MTA3: variants seen among roughly 807,000 people sequenced by gnomAD.
MTA3 encodes the protein metastasis-associated protein MTA3.
Under a neutral mutation model 83.5 loss-of-function variants are expected in MTA3, and 34 were observed. The observed-to-expected ratio is 0.41, with a 90% CI of 0.31 to 0.54. The LOEUF (loss-of-function observed/expected upper bound fraction) is 0.54, where lower values mean the gene tolerates loss of function less well. Ranked by LOEUF, MTA3 falls within the 20% of genes least tolerant of loss-of-function variation. The pLI is 0.33. For missense variants in MTA3, 761 were observed against 726.4 expected (o/e 1.05, Z -0.55); for synonymous variants, 303 against 252.7 (o/e 1.20, Z -1.89).
exon 1 of MTA3, chr2:42,494,952 A>AATTCATTCACCTG (rs1304026038): frequency 6.6e-6 from 1 of 152,340 alleles, no homozygotes; most frequent in Non-Finnish European, 1.5e-5. Flanking sequence ...TGCTACCAGC[A>AATTCATTCACCTG]ATTCATTCAC....
chr2:42,595,986 A>G lies in MTA3; in HGVS notation c.191-13472A>G, dbSNP rs1681745121. Among the ~76,000 whole-genome samples, 3 of 152,202 alleles carry G rather than the reference A, an allele frequency of 2.0e-5. 1 individual carries two copies. In the South Asian group the frequency reaches 6.2e-4, roughly 31 times the overall value. On this transcript the variant is annotated intron_variant, in intron 3 of 16. Coordinates refer to ENST00000405094, the MANE Select transcript of MTA3 (RefSeq NM_001330442.2). ...ATTCTGCCCAGTTTTTGAAATCTTAATACTTCCGAGAGAAATACTAAAGAG... is the reference window on the plus strand; with the variant it reads ...ATTCTGCCCAGTTTTTGAAATCTTAGTACTTCCGAGAGAAATACTAAAGAG...
At chr2:42,637,066 C>A (rs1236806739) in intron 4 of MTA3, among the ~76,000 whole-genome samples, 1 of 152,200 alleles carries the variant, frequency 6.6e-6, no homozygotes, top group East Asian at 1.9e-4. Context: ...CTGATCAGCG[C>A]CTGCTGTTGA....
chr2:42,600,423 CTT>C (rs1221064578), intron 3 of MTA3, among the ~76,000 whole-genome samples: 1 of 152,086 alleles, frequency 6.6e-6, no homozygotes, highest in East Asian at 1.9e-4. Flanking sequence ...AATTTTCTGA[CTT>C]TTGGTTTCCA....
At chr2:42,662,682 T>C (rs963173713) in intron 8 of MTA3, among the ~76,000 whole-genome samples, 1 of 151,896 alleles carries the variant, frequency 6.6e-6, no homozygotes, top group Non-Finnish European at 1.5e-5. Context: ...TTAACTGTTT[T>C]AAATGACCTC....
At chr2:42,719,135 G>C in intron 15 of MTA3, 61 bp downstream of exon 15, 1 of 1,293,596 alleles carries the variant, frequency 7.7e-7, no homozygotes, top group African/African-American at 1.5e-5. Context: ...ATAGATATTT[G>C]GCAATTCTAA....
chr2:42,672,937 C>T (rs1374803330), intron 8 of MTA3, among the ~76,000 whole-genome samples: 1 of 150,180 alleles, frequency 6.7e-6, no homozygotes, highest in Non-Finnish European at 1.5e-5. Context: ...ACCTCTGCCT[C>T]CTGGGTTCAC....
chr2:42,548,641 T>C (rs1676870947), intron 2 of MTA3, among the ~76,000 whole-genome samples: 1 of 140,878 alleles, frequency 7.1e-6, no homozygotes, highest in Admixed American at 7.5e-5. Context: ...GAAAACTCTA[T>C]CTCCACAAAA....
chr2:42,633,952 A>T (rs937865734), intron 4 of MTA3, among the ~76,000 whole-genome samples: 1 of 152,196 alleles, frequency 6.6e-6, no homozygotes, highest in African/African-American at 2.4e-5. Flanking sequence ...TTACCAAGAT[A>T]TAATTAAGAA....
intron 11 of MTA3, chr2:42,703,048 C>T (rs1665727343): frequency 6.6e-6 from 1 of 152,274 alleles, no homozygotes; most frequent in African/African-American, 2.4e-5. Flanking sequence ...CAGCCTCTAA[C>T]TCCTGGGCTC....
In MTA3 at chr2:42,538,697, G is replaced by A. The variant is rs372456735; in HGVS notation, c.-140-31740G>A. 3.9e-5 allele frequency among the ~76,000 whole-genome samples: 5 copies of A among 127,948 alleles called. No homozygotes were observed. The East Asian group carries it at 9.3e-4, about 24-fold the overall frequency. 83.9% of individuals were successfully genotyped at this position (127,948 alleles called of 152,430 possible). On this transcript the variant is annotated intron_variant, in intron 2 of 17. Coordinates refer to the MTA3 transcript ENST00000405592. Reference sequence around the variant, plus strand: ...CATTCCAGCCTGGGCGACAGAATATGATGACTCTTTCTAAAAAAAAAAAAA... The same window carrying A: ...CATTCCAGCCTGGGCGACAGAATATAATGACTCTTTCTAAAAAAAAAAAAA...
chr2:42,640,367 G>C (rs1687597280), intron 5 of MTA3, 131 bp downstream of exon 5: 5 of 651,268 alleles, frequency 7.7e-6, no homozygotes, highest in African/African-American at 1.9e-5. Flanking sequence ...TATAGTAAAA[G>C]TATAGTGACT....
At chr2:42,500,121 T>C (rs1393817896) in intron 2 of MTA3, among the ~76,000 whole-genome samples, 1 of 151,710 alleles carries the variant, frequency 6.6e-6, no homozygotes, top group Non-Finnish European at 1.5e-5. Context: ...ATACAAAAAT[T>C]TGGCCGGTGG....
intron 2 of MTA3, among the ~76,000 whole-genome samples, chr2:42,536,369 G>C (rs1676234951): frequency 6.6e-6 from 1 of 151,840 alleles, no homozygotes; most frequent in South Asian, 2.1e-4. Flanking sequence ...TAGCTACTTG[G>C]GAGACTGAGG....
At chr2:42,639,535 T>A (rs2104296024) in intron 4 of MTA3, among the ~76,000 whole-genome samples, 1 of 152,304 alleles carries the variant, frequency 6.6e-6, no homozygotes, top group South Asian at 2.1e-4. Context: ...GACGTTAGTT[T>A]CCAAGCTCAG....
chr2:42,578,763 CTT>C (rs1344949574), intron 2 of MTA3, among the ~76,000 whole-genome samples: 5 of 151,990 alleles, frequency 3.3e-5, no homozygotes, highest in Admixed American at 6.6e-5. Flanking sequence ...GTTTCTTTCT[CTT>C]TTGTTTTTTT....
At chr2:42,617,814 C>A (rs1036523964) in intron 4 of MTA3, among the ~76,000 whole-genome samples, 1 of 151,838 alleles carries the variant, frequency 6.6e-6, no homozygotes, top group Non-Finnish European at 1.5e-5. Flanking sequence ...ATAAAATTTG[C>A]ACATTTGGAC....
intron 8 of MTA3, among the ~76,000 whole-genome samples, chr2:42,669,377 G>A (rs745727086): frequency 6.6e-5 from 10 of 152,020 alleles, no homozygotes; most frequent in Admixed American, 2.0e-4. Flanking sequence ...GAGCCACTGC[G>A]CCTGGCCAGA....
intron 4 of MTA3, among the ~76,000 whole-genome samples, chr2:42,614,402 G>C (rs1207014728): frequency 6.6e-6 from 1 of 152,134 alleles, no homozygotes; most frequent in African/African-American, 2.4e-5. Flanking sequence ...CAGCCTGATA[G>C]ATTTTCTTAC....
intron 2 of MTA3, among the ~76,000 whole-genome samples, chr2:42,536,723 G>A (rs1465732757): frequency 6.6e-6 from 1 of 151,918 alleles, no homozygotes; most frequent in African/African-American, 2.4e-5. Flanking sequence ...GCCGGGCGTG[G>A]TAGCAGGCGC....
Sources: allele counts gnomAD v4.1 joint callset (sites outside exome capture counted in the v4.1 genomes callset), GRCh38; gene constraint gnomAD v4.1.1; transcripts MANE v1.5; gene names NCBI Gene and HGNC (gene_info 2026-07-23, HGNC 2026-07-21).